THOC2: variants seen among roughly 807,000 people sequenced by gnomAD.
THOC2 encodes THO complex subunit 2, also known as THO complex 2.
Under a neutral mutation model 128.4 loss-of-function variants are expected in THOC2, and 10 were observed. The observed-to-expected ratio is 0.08, with a 90% CI of 0.05 to 0.13. The LOEUF (loss-of-function observed/expected upper bound fraction) is 0.13. Among genes scored for constraint, THOC2 ranks in the 10% least tolerant of loss-of-function variants. THOC2 has a pLI of 1.00. For missense variants in THOC2, 535 were observed against 1,155.7 expected (o/e 0.46, Z 7.79); for synonymous variants, 393 against 396.9 (o/e 0.99, Z 0.12).
At chrX:123,732,915 GC>G in intron 1 of THOC2, 36 bp downstream of exon 1, 6 of 1,188,057 alleles carry the variant, frequency 5.1e-6, no homozygotes, top group Non-Finnish European at 6.9e-6. Flanking sequence ...CCCTGGCCCG[GC>G]CCGGCAGTGC....
chrX:123,720,769 G>A (rs2051657950), intron 1 of THOC2, among the ~76,000 whole-genome samples: 1 of 112,220 alleles, frequency 8.9e-6, no homozygotes, highest in Non-Finnish European at 1.9e-5. Flanking sequence ...GTGCTACAAT[G>A]TGGATGAACC....
chrX:123,638,396 T>C lies in THOC2; in HGVS notation c.1841-273A>G, dbSNP rs948760727. 9.8e-5 allele frequency among the ~76,000 whole-genome samples: 11 copies of C among 111,941 alleles called. No homozygotes were observed. In the Admixed American group the frequency reaches 1.0e-3, roughly 11 times the overall value. ...TAAGCCAACTGGGTGCAGTGGCTCA[T>C]GCCTGTAATCCCAGCACTTTGGGAG... is the stretch of plus-strand genomic sequence containing the variant. On this transcript the variant is annotated intron_variant, in intron 17 of 38. Coordinates refer to ENST00000245838, the MANE Select transcript of THOC2 (RefSeq NM_001081550.2).
In THOC2 at chrX:123,665,202, T is replaced by C. The variant is rs990567719; in HGVS notation, c.1386+440A>G. On this transcript the variant is annotated intron_variant, in intron 12 of 38. Transcript: ENST00000245838. ...AAAAAATTCCTATTGCCTAGTGATA[T>C]CATGGCTGTCCTAACATCTTAGTGC... Among the ~76,000 whole-genome samples the C allele has an allele frequency of 3.6e-5, 4 of 112,057 alleles. No individual in the cohort carries two copies. In the South Asian group the frequency reaches 1.1e-3, roughly 31 times the overall value.
chrX:123,706,373 CTTTTTT>C (rs202083719), intron 3 of THOC2, among the ~76,000 whole-genome samples: 2 of 109,439 alleles, frequency 1.8e-5, no homozygotes, highest in South Asian at 3.9e-4. Flanking sequence ...TTAATTTCTT[CTTTTTT>C]TTTAATTATA....
intron 1 of THOC2, among the ~76,000 whole-genome samples, chrX:123,728,415 G>C (rs1015210867): frequency 9.0e-6 from 1 of 111,421 alleles, no homozygotes; most frequent in Non-Finnish European, 1.9e-5. Flanking sequence ...TGTGAAGAAT[G>C]TTTCTCTTCC....
At chrX:123,640,287 A>ACCT (rs34592298) in intron 16 of THOC2, among the ~76,000 whole-genome samples, 42,856 of 110,427 alleles carry the variant, frequency 0.39, 6,502 homozygotes, top group East Asian at 0.68. Flanking sequence ...ATCAAGTAAT[A>ACCT]CCAGAAATCA....
chrX:123,696,130 C>T lies in THOC2; in HGVS notation c.492G>A (p.Leu164=). The T allele has an allele frequency of 8.4e-7, 1 of 1,187,140 alleles. No individual in the cohort carries two copies. Among genetic ancestry groups the T allele is most frequent in the Non-Finnish European group, 1.1e-6 (1 of 876,793 alleles). The part of the protein sequence containing the change: ...KLFYKQQKFN[L]LREENEGYAK... Reference sequence around the variant, plus strand: ...CATAACCTTCATTCTCTTCTCTTAACAAATTGAATTTTTGCTGCTTATAAC... The same window carrying T: ...CATAACCTTCATTCTCTTCTCTTAATAAATTGAATTTTTGCTGCTTATAAC... The change falls in exon 7 of 39, where the codon TTG becomes TTA. Residue 164 remains leucine (L), a synonymous_variant. Transcript: ENST00000245838.
chrX:123,683,126 T>C (rs1223084371), intron 8 of THOC2, among the ~76,000 whole-genome samples: 1 of 111,531 alleles, frequency 9.0e-6, no homozygotes, highest in African/African-American at 3.3e-5. Context: ...AATATTTGCA[T>C]ACTGGTTGAG....
rs2052165519 is a variant in THOC2, at chrX:123,730,144, T to C, written c.71+2808A>G. ...CACGTAAGTTCTAATAACAGGTTTT[T>C]TTGCTGTTGTTTTTGGTTTGTTTTT... On this transcript the variant is annotated intron_variant, in intron 1 of 38. Transcript: ENST00000245838. Among the ~76,000 whole-genome samples the C allele has an allele frequency of 4.5e-5, 5 of 110,204 alleles. No individual in the cohort carries two copies. The Admixed American group carries it at 4.9e-4, about 11-fold the overall frequency.
intron 28 of THOC2, chrX:123,623,554 C>T: frequency 1.6e-6 from 1 of 640,403 alleles, no homozygotes; most frequent in Non-Finnish European, 2.3e-6. Context: ...AATTATATTT[C>T]CTCCCAATCA....
intron 2 of THOC2, among the ~76,000 whole-genome samples, chrX:123,710,113 A>G (rs916103722): frequency 1.2e-4 from 13 of 112,009 alleles, no homozygotes; most frequent in Non-Finnish European, 2.3e-4. Flanking sequence ...TCCTGCTAGG[A>G]CAACAAACTG....
Position 123,624,111 on chromosome X carries a change from G to A in THOC2, c.3267C>T (p.Asp1089=), listed in dbSNP as rs767869985. 7 of 1,199,137 alleles carry A rather than the reference G, an allele frequency of 5.8e-6. No homozygotes were observed. The South Asian group carries it at 9.1e-5, about 16-fold the overall frequency. The change falls in exon 27 of 39, where the codon GAC becomes GAT. Residue 1089 remains aspartate (D), a synonymous_variant. Transcript: ENST00000245838. The stretch of plus-strand genomic sequence containing the variant: ...GTACAACATGTCGAAAATTTTCATA[G>A]TCTAATTGATCAGCCTTATTTCCAC... The part of the protein sequence containing the change: ...FDGGNKADQL[D]YENFRHVVHK...
At chrX:123,700,523 G>T (rs1359646820) in intron 4 of THOC2, among the ~76,000 whole-genome samples, 1 of 74,904 alleles carries the variant, frequency 1.3e-5, no homozygotes, top group African/African-American at 4.9e-5. Context: ...TGGGGGCGGC[G>T]GGGGGGAGGT....
At chrX:123,705,700 T>G (rs1437937005) in intron 3 of THOC2, among the ~76,000 whole-genome samples, 2 of 110,157 alleles carry the variant, frequency 1.8e-5, no homozygotes, top group African/African-American at 6.6e-5. Flanking sequence ...TAGAATTTCC[T>G]TAAGACTATC....
chrX:123,632,604 C>T (rs2047529640), intron 21 of THOC2, among the ~76,000 whole-genome samples: 1 of 108,634 alleles, frequency 9.2e-6, no homozygotes, highest in Non-Finnish European at 1.9e-5. Flanking sequence ...GATATAAATG[C>T]AAACAACTTG....
chrX:123,655,722 G>C (rs1323019127), intron 12 of THOC2, among the ~76,000 whole-genome samples: 1 of 110,586 alleles, frequency 9.0e-6, no homozygotes, highest in East Asian at 2.8e-4. Context: ...GGTATATTCT[G>C]CCTGCCTAAT....
intron 9 of THOC2, among the ~76,000 whole-genome samples, chrX:123,669,682 G>C (rs1461973240): frequency 9.0e-6 from 1 of 111,571 alleles, no homozygotes; most frequent in Non-Finnish European, 1.9e-5. Context: ...TCTTCTTATA[G>C]TTCTCTCAAC....
At position 123,640,626 on chromosome X, in the gene THOC2, C is replaced by T; in HGVS notation, c.1662-4G>A. The T allele has an allele frequency of 2.7e-6, 3 of 1,126,527 alleles. No individual in the cohort carries two copies. Among genetic ancestry groups the T allele is most frequent in the Non-Finnish European group, 3.6e-6 (3 of 835,624 alleles). 92.8% of individuals were successfully genotyped at this position (1,126,527 alleles called of 1,213,427 possible). A position where few individuals can be genotyped will look rare whatever the true frequency, so the allele number is the denominator to read the frequency against. ...CACATTTTCCTTGGTTAGGCGCCTA[C>T]GGAGGAAGAAAAAGGTGGCACGGAT... On this transcript the variant is annotated splice_polypyrimidine_tract_variant and splice_region_variant and intron_variant, in intron 15 of 38. Transcript: ENST00000245838.
chrX:123,718,355 G>T (rs2051521330), intron 1 of THOC2, among the ~76,000 whole-genome samples: 1 of 111,828 alleles, frequency 8.9e-6, no homozygotes, highest in African/African-American at 3.2e-5. Flanking sequence ...GAAAAAATAG[G>T]GGAAGAGCTA....
Sources: allele counts gnomAD v4.1 joint callset (sites outside exome capture counted in the v4.1 genomes callset), GRCh38; gene constraint gnomAD v4.1.1; transcripts MANE v1.5; gene names NCBI Gene and HGNC (gene_info 2026-07-23, HGNC 2026-07-21).